TRPM5: variants seen among roughly 807,000 people sequenced by gnomAD.
TRPM5 encodes the protein MLSN1 and TRP-related.
TRPM5 carries 121 observed loss-of-function variants against 124.9 expected under a neutral mutation model. The observed-to-expected ratio is 0.97, with a 90% CI of 0.84 to 1.13. The LOEUF is 1.13. Among genes scored for constraint, TRPM5 ranks in the 50% most tolerant of loss-of-function variants. The probability of loss-of-function intolerance (pLI) is 0.00; values close to 1 mark genes in which losing one functional copy is unlikely to be tolerated. For synonymous variants in TRPM5, 781 were observed against 700.5 expected (o/e 1.11, Z -1.81); for missense variants, 1,643 against 1,589.1 (o/e 1.03, Z -0.58).
At chr11:2,414,015 C>CCCCCCCCCCCCCCCCCCCCCCCCCCCCCA in intron 12 of TRPM5, 46 bp downstream of exon 17, 1 of 752,952 alleles carries the variant, frequency 1.3e-6, no homozygotes, top group Non-Finnish European at 2.1e-6. Context: ...GCTCGCCCGC[C>CCCCCCCCCCCCCCCCCCCCCCCCCCCCCA]CACCCCACCC....
At chr11:2,419,622 CAAAAAA>C (rs3986606) in intron 4 of TRPM5, among the ~76,000 whole-genome samples, 55,904 of 127,152 alleles carry the variant, frequency 0.44, 10,856 homozygotes, top group East Asian at 0.67. Context: ...GATTCTGCCT[CAAAAAA>C]AAAAAAAAAA....
intron 15 of TRPM5, 46 bp from the exon 21 acceptor site, chr11:2,412,299 C>T (rs377521678): frequency 5.8e-4 from 785 of 1,362,260 alleles, no homozygotes; most frequent in Non-Finnish European, 7.6e-4. Flanking sequence ...CAGCCGCCCT[C>T]GCTGGGGACA....
At chr11:2,437,077 C>A in the TRPM5 span, among the ~76,000 whole-genome samples, 5 of 152,356 alleles carry the variant, frequency 3.3e-5, no homozygotes, top group African/African-American at 1.2e-4. The surrounding 1 kb of genome is among the most constrained non-coding windows in gnomAD (Gnocchi z 5.6). Context: ...CCTTTCCCAG[C>A]CTGCTGGATC....
At chr11:2,433,684 G>A in the TRPM5 span, among the ~76,000 whole-genome samples, 1,140 of 152,404 alleles carry the variant, frequency 7.5e-3, 9 homozygotes, top group African/African-American at 0.026. Context: ...GAGGACCAGC[G>A]GGGCCGGGGC....
intron 22 of TRPM5, among the ~76,000 whole-genome samples, chr11:2,405,795 C>T (rs1450534144): frequency 6.6e-6 from 1 of 152,150 alleles, no homozygotes; most frequent in African/African-American, 2.4e-5. Flanking sequence ...CAATGTGAGA[C>T]CCCTCATTTA....
chr11:2,425,025 G>T (rs1043530108), upstream of TRPM5, among the ~76,000 whole-genome samples: 1 of 152,206 alleles, frequency 6.6e-6, no homozygotes, highest in African/African-American at 2.4e-5. Flanking sequence ...GAACCAGCCC[G>T]CGGACCGCAG....
intron 18 of TRPM5, among the ~76,000 whole-genome samples, chr11:2,408,476 G>A (rs1850370092): frequency 6.6e-6 from 1 of 152,226 alleles, no homozygotes. Flanking sequence ...TCCAGACTGG[G>A]CTTGCTGCAA....
chr11:2,412,512 G>A (rs1021807174), intron 15 of TRPM5, among the ~76,000 whole-genome samples: 2 of 152,360 alleles, frequency 1.3e-5, no homozygotes, highest in African/African-American at 4.8e-5. Flanking sequence ...GACTCAGTCC[G>A]TGATACAGGT....
chr11:2,427,610 A>T (rs1325394479), upstream of TRPM5, among the ~76,000 whole-genome samples: 7 of 152,244 alleles, frequency 4.6e-5, no homozygotes, highest in Non-Finnish European at 1.0e-4. Flanking sequence ...TGTGATTGGC[A>T]CCAAGGCCCT....
exon 11 of TRPM5, chr11:2,414,790 C>T (rs867160715): frequency 6.3e-7 from 1 of 1,576,400 alleles, no homozygotes; most frequent in South Asian, 1.2e-5. Flanking sequence ...TGCGACATCT[C>T]TTTGAGGATT....
At chr11:2,411,903 T>C in intron 16 of TRPM5, 136 bp from the exon 22 acceptor site, 1 of 1,134,790 alleles carries the variant, frequency 8.8e-7, no homozygotes, top group South Asian at 1.5e-5. Context: ...CTTCATCTTT[T>C]GTTTATTTAT....
chr11:2,414,014 C>CCCCACAA, intron 12 of TRPM5, 47 bp downstream of exon 17: 1 of 533,206 alleles, frequency 1.9e-6, no homozygotes, highest in Non-Finnish European at 3.5e-6. Flanking sequence ...AGCTCGCCCG[C>CCCCACAA]CCACCCCACC....
chr11:2,414,009 G>GGCCGC, intron 12 of TRPM5, 52 bp downstream of exon 17: 2 of 1,023,732 alleles, frequency 2.0e-6, no homozygotes, highest in Non-Finnish European at 2.9e-6. Flanking sequence ...GGCCCAGCTC[G>GGCCGC]CCCGCCCACC....
At chr11:2,409,423 C>T (rs967618980) in intron 18 of TRPM5, among the ~76,000 whole-genome samples, 3 of 152,172 alleles carry the variant, frequency 2.0e-5, no homozygotes, top group East Asian at 1.9e-4. Flanking sequence ...TTTGGGAAGG[C>T]GCCACCAGGC....
chr11:2,420,381 C>T (rs1170358055), exon 4 of TRPM5: 6 of 1,612,336 alleles, frequency 3.7e-6, no homozygotes, highest in Non-Finnish European at 5.1e-6. Context: ...CCGTCATCCT[C>T]AGGGTAGTGG....
At chr11:2,414,581 G>C (rs1850525525) in intron 11 of TRPM5, 134 bp downstream of exon 16, 1 of 1,285,918 alleles carries the variant, frequency 7.8e-7, no homozygotes, top group Non-Finnish European at 1.0e-6. Context: ...CTCTCCTATG[G>C]AGGAGGCCCC....
Position 2,404,674 on chromosome 11 carries a change from C to G in TRPM5, c.*263G>C, listed in dbSNP as rs142262600. 1.1e-3 allele frequency: 561 copies of G among 505,840 alleles called. 8 individuals carry two copies. The East Asian group carries it at 0.019, about 17-fold the overall frequency. 31.3% of individuals were successfully genotyped at this position (505,840 alleles called of 1,614,324 possible). On this transcript the variant is annotated 3_prime_UTR_variant, in exon 24 of 24. Transcript: ENST00000155858. ...GCTGGTCAGTTTCCAGGTAGGGATGCGGTGGGGCACGTTTTCTGCCCGGGG... is the reference window on the plus strand; with the variant it reads ...GCTGGTCAGTTTCCAGGTAGGGATGGGGTGGGGCACGTTTTCTGCCCGGGG...
intron 21 of TRPM5, 99 bp from the exon 27 acceptor site, chr11:2,406,190 T>C: frequency 7.5e-7 from 1 of 1,328,146 alleles, no homozygotes; most frequent in South Asian, 1.2e-5. Context: ...TGCCCGAGTT[T>C]GGGGTGCCCT....
chr11:2,412,648 T>C lies in TRPM5; in HGVS notation c.2355+106A>G, dbSNP rs530782770. The C allele has an allele frequency of 4.8e-6, 6 of 1,260,730 alleles. No individual in the cohort carries two copies. In the African/African-American group the frequency reaches 6.1e-5, roughly 13 times the overall value. The allele number at this position is 1,260,730 out of a possible 1,614,324, so 78.1% of individuals were successfully genotyped here. A position where few individuals can be genotyped will look rare whatever the true frequency, so the allele number is the denominator to read the frequency against. The stretch of plus-strand genomic sequence containing the variant: ...AAGATGGGAGGCCCCCATGCTGTTC[T>C]TGTTTTACAGTTGGGGAGCCCCACC... On this transcript the variant is annotated intron_variant, in intron 15 of 23. Coordinates refer to ENST00000155858, the Ensembl canonical transcript of TRPM5.
Sources: gnomAD v4.1 joint callset for allele counts (sites outside exome capture counted in the v4.1 genomes callset) on GRCh38, gnomAD v4.1.1 for gene constraint, Gnocchi (gnomAD v3.1) non-coding constraint, MANE v1.5 for transcripts, NCBI Gene and HGNC (gene_info 2026-07-23, HGNC 2026-07-21) for gene names.